TRIM67: variants seen among roughly 807,000 people sequenced by gnomAD.
The protein encoded by TRIM67 is tripartite motif-containing protein 67.
TRIM67 carries 39 observed loss-of-function variants against 71.0 expected under a neutral mutation model. That is an observed-to-expected ratio of 0.55 (90% CI 0.43 to 0.72). The LOEUF is 0.72. Ranked by LOEUF, TRIM67 falls within the 30% of genes least tolerant of loss-of-function variation. The pLI is 0.00. For missense variants in TRIM67, 973 were observed against 1,079.2 expected (o/e 0.90, Z 1.38); for synonymous variants, 481 against 473.9 (o/e 1.01, Z -0.19).
chr1:231,203,850 G>C lies in TRIM67; in HGVS notation c.1535-17G>C. 6.2e-7 allele frequency: 1 copy of C among 1,610,494 alleles called. No individual in the cohort carries two copies. Among genetic ancestry groups the C allele is most frequent in the Non-Finnish European group, 8.5e-7 (1 of 1,178,652 alleles). ...CGGAGGGCTTCCTGCGCTAACTCAT[G>C]TGTGTCCCCCTCGCAGTGCCACCCG... On this transcript the variant is annotated splice_polypyrimidine_tract_variant and intron_variant, in intron 5 of 9. Transcript: ENST00000366653.
chr1:231,210,013 C>A (rs535700042), intron 8 of TRIM67, among the ~76,000 whole-genome samples: 1 of 150,934 alleles, frequency 6.6e-6, no homozygotes, highest in South Asian at 2.1e-4. Context: ...CCCAACACCC[C>A]TGCACCATAG....
At chr1:231,204,465 T>C (rs917124259) in intron 6 of TRIM67, among the ~76,000 whole-genome samples, 2 of 152,184 alleles carry the variant, frequency 1.3e-5, no homozygotes, top group Non-Finnish European at 2.9e-5. Context: ...TAAATGGTTG[T>C]TGAATCGGGA....
intron 1 of TRIM67, among the ~76,000 whole-genome samples, chr1:231,176,006 TG>T (rs1304562297): frequency 1.3e-5 from 2 of 152,172 alleles, no homozygotes; most frequent in East Asian, 3.9e-4. Flanking sequence ...CTGGGTGTCA[TG>T]GGAGGGTGGA....
At chr1:231,200,028 G>A (rs902134416) in intron 3 of TRIM67, 120 bp from the exon 4 acceptor site, 4 of 697,008 alleles carry the variant, frequency 5.7e-6, no homozygotes, top group Non-Finnish European at 1.0e-5. Context: ...CTGGTGCAAG[G>A]TGGTCCAGGC....
chr1:231,162,880 G>A lies in TRIM67; in HGVS notation c.-90G>A, dbSNP rs1009336255. On this transcript the variant is annotated 5_prime_UTR_variant, in exon 1 of 10. Transcript: ENST00000366653. ...TGATGCCCCCGCCCGTCGTCTCACC[G>A]GGGCGCACCGCGCTGGTCCTCCTCC... is the stretch of plus-strand genomic sequence containing the variant. 6.6e-7 allele frequency: 1 copy of A among 1,511,664 alleles called. No individual in the cohort carries two copies. 93.6% of individuals were successfully genotyped at this position (1,511,664 alleles called of 1,614,324 possible).
At chr1:231,190,157 C>T (rs1467645391) in intron 1 of TRIM67, among the ~76,000 whole-genome samples, 1 of 152,142 alleles carries the variant, frequency 6.6e-6, no homozygotes, top group African/African-American at 2.4e-5. Flanking sequence ...AAAGGCAGAT[C>T]CTCCCAGAGA....
chr1:231,210,168 C>A (rs976517398), intron 8 of TRIM67, among the ~76,000 whole-genome samples: 1 of 152,168 alleles, frequency 6.6e-6, no homozygotes, highest in Non-Finnish European at 1.5e-5. Flanking sequence ...TGCTATGGAG[C>A]CTTGCTCCTG....
At chr1:231,200,107 C>T (rs1162479760) in intron 3 of TRIM67, 41 bp from the exon 4 acceptor site, 1 of 1,493,856 alleles carries the variant, frequency 6.7e-7, no homozygotes, top group African/African-American at 1.4e-5. Context: ...CCTGTTCTTC[C>T]TCTCATGAGA....
rs777585023 is a variant in TRIM67, at chr1:231,209,300, T to A, written c.2123+50T>A. 2 of 1,485,112 alleles carry A rather than the reference T, an allele frequency of 1.3e-6. No homozygotes were observed. The highest frequency in any genetic ancestry group is 2.8e-5 in the African/African-American group (2 of 71,228). 92.0% of individuals were successfully genotyped at this position (1,485,112 alleles called of 1,614,324 possible). On this transcript the variant is annotated intron_variant, in intron 8 of 9. Transcript: ENST00000366653. This position sits in a 1 kb window ranked among gnomAD's most constrained non-coding sequence, Gnocchi z 4.1. ...CCCGTGGACACAGGTTGTTTGGGAA[T>A]GAGGGTCCTGAAGACCAGTGTCCCT... is the stretch of plus-strand genomic sequence containing the variant.
intron 1 of TRIM67, chr1:231,184,960 C>T (rs976953702): frequency 5.2e-5 from 76 of 1,474,642 alleles, no homozygotes; most frequent in Non-Finnish European, 6.7e-5. Flanking sequence ...CTAAGGGTTG[C>T]TGGATAAACA....
Position 231,203,947 on chromosome 1 carries a change from T to C in TRIM67, c.1615T>C (p.Phe539Leu). The change falls in exon 6 of 10, where the codon TTC becomes CTC. Residue 539 changes from phenylalanine to leucine, a missense_variant. Around this residue, in one of 2 missense-constraint regions of TRIM67, gnomAD observed 795 missense variants for 831.3 expected, o/e 0.96. Coordinates refer to ENST00000366653, the MANE Select transcript of TRIM67 (RefSeq NM_001004342.5). ...CACGCTGGCCTGGAGGATGCCACCC[T>C]TCACCCACAGCCCCGTGGACGGCTA... ...SVTLAWRMPP[F>L]THSPVDGYIL... The C allele has an allele frequency of 1.2e-6, 2 of 1,613,974 alleles. No homozygotes were observed. The highest frequency in any genetic ancestry group is 1.7e-6 in the Non-Finnish European group (2 of 1,179,884).
At chr1:231,203,254 C>T (rs1007589071) in intron 5 of TRIM67, among the ~76,000 whole-genome samples, 3 of 152,240 alleles carry the variant, frequency 2.0e-5, no homozygotes, top group Admixed American at 2.0e-4. Context: ...CTTAATAGGA[C>T]TTCTGATACA....
intron 5 of TRIM67, 77 bp downstream of exon 5, chr1:231,201,594 C>A: frequency 6.7e-7 from 1 of 1,502,976 alleles, no homozygotes; most frequent in East Asian, 2.4e-5. Flanking sequence ...AGCTCGGTGC[C>A]ATAGGGAGAC....
chr1:231,187,966 T>C (rs540900374), intron 1 of TRIM67, among the ~76,000 whole-genome samples: 1 of 152,288 alleles, frequency 6.6e-6, no homozygotes, highest in African/African-American at 2.4e-5. Context: ...TCCTGTTCTT[T>C]CGTGTTCTCT....
intron 1 of TRIM67, among the ~76,000 whole-genome samples, chr1:231,171,303 G>T (rs765705611): frequency 6.6e-6 from 1 of 152,204 alleles, no homozygotes; most frequent in African/African-American, 2.4e-5. Context: ...GGAAGTGTCT[G>T]CAAATCTGTA....
In TRIM67 at chr1:231,201,533, CCCCAGT is replaced by C; in HGVS notation, c.1534+17_1534+22del. On this transcript the variant is annotated intron_variant, in intron 5 of 9. Coordinates refer to ENST00000366653, the MANE Select transcript of TRIM67 (RefSeq NM_001004342.5). ...AAATGTAGGGGTGAGCCGCGGTTGG[CCCCAGT>C]TCAGTCAGTGCTTCTTTCAAAAGAG... 1 of 1,611,036 alleles carries C rather than the reference CCCCAGT, an allele frequency of 6.2e-7. No individual in the cohort carries two copies. Among genetic ancestry groups the C allele is most frequent in the Non-Finnish European group, 8.5e-7 (1 of 1,178,582 alleles).
intron 1 of TRIM67, among the ~76,000 whole-genome samples, chr1:231,191,270 G>C (rs975062776): frequency 6.6e-6 from 1 of 152,178 alleles, no homozygotes; most frequent in Non-Finnish European, 1.5e-5. Context: ...TTGCTGTGTT[G>C]CTTAGGCTAG....
rs370087781 is a variant in TRIM67 at position 231,163,961 on chromosome 1, G to A, written c.992G>A (p.Arg331Gln). ...PVCYLCLEEG[R>Q]HAKHEVKPLG... Reference sequence around the variant, plus strand: ...TGTTATCTGTGCCTGGAGGAGGGCCGGCACGCCAAGCACGAGGTGAAGCCG... The same window carrying A: ...TGTTATCTGTGCCTGGAGGAGGGCCAGCACGCCAAGCACGAGGTGAAGCCG... The change falls in exon 1 of 10, where the codon CGG becomes CAG. Residue 331 changes from arginine to glutamine, a missense_variant. Around this residue, in one of 2 missense-constraint regions of TRIM67, gnomAD observed 795 missense variants for 831.3 expected, o/e 0.96. Coordinates refer to ENST00000366653, the MANE Select transcript of TRIM67 (RefSeq NM_001004342.5). The A allele has an allele frequency of 3.5e-5, 56 of 1,582,694 alleles. 1 individual carries two copies. Among genetic ancestry groups the A allele is most frequent in the Non-Finnish European group, 4.5e-5 (52 of 1,164,658 alleles).
intron 1 of TRIM67, among the ~76,000 whole-genome samples, chr1:231,169,749 G>T (rs2102714054): frequency 6.6e-6 from 1 of 152,196 alleles, no homozygotes; most frequent in Non-Finnish European, 1.5e-5. Context: ...TGCCTAGGCT[G>T]GCTTCTCTCC....
Sources: allele counts gnomAD v4.1 joint callset (sites outside exome capture counted in the v4.1 genomes callset), GRCh38; gene constraint gnomAD v4.1.1; regional missense constraint gnomAD v4.1.1; non-coding constraint Gnocchi (gnomAD v3.1); transcripts MANE v1.5; gene names NCBI Gene and HGNC (gene_info 2026-07-23, HGNC 2026-07-21).